KRT33B: variants seen among roughly 807,000 people sequenced by gnomAD.
The protein encoded by KRT33B is keratin, type I cuticular Ha3-II.
A neutral mutation model predicts 42.7 loss-of-function variants in KRT33B; 37 were observed. The ratio of observed to expected loss-of-function variants is 0.87; its 90% CI spans 0.67 to 1.14. KRT33B has a LOEUF of 1.14. KRT33B is among the 50% of genes most tolerant of loss of function. The pLI, the probability that KRT33B is intolerant of heterozygous loss-of-function variation, is 0.00. For synonymous variants in KRT33B, 237 were observed against 221.2 expected, an observed-to-expected ratio of 1.07 and a Z score of -0.63; for missense variants, 523 against 515.1, an observed-to-expected ratio of 1.02 and a Z score of -0.15.
chr17:41,369,692 G>A lies in KRT33B; in HGVS notation c.59C>T (p.Pro20Leu), dbSNP rs752282937. 4.3e-6 allele frequency: 7 copies of A among 1,614,018 alleles called. 1 individual carries two copies. In the South Asian group the frequency reaches 7.7e-5, roughly 18 times the overall value. ...LSCRTSCSSR[P>L]CVPPSCHGYT... ...GCCGTGGCAGCTGGGGGGCACACAGGGCCGGGAGGAGCAGCTGGTGCGGCA... is the reference window on the plus strand; with the variant it reads ...GCCGTGGCAGCTGGGGGGCACACAGAGCCGGGAGGAGCAGCTGGTGCGGCA... Residue 20 changes from proline (P) to leucine (L), a missense_variant, in exon 1 of 7, where the codon CCC becomes CTC. Coordinates refer to ENST00000251646, the MANE Select transcript of KRT33B (RefSeq NM_002279.5).
chr17:41,365,959 A>G (rs1168971550), intron 3 of KRT33B, among the ~76,000 whole-genome samples: 1 of 151,352 alleles, frequency 6.6e-6, no homozygotes, highest in South Asian at 2.1e-4. Context: ...TGTTTGAGAC[A>G]TGCATCTGAT....
rs200684159 is a variant in KRT33B at position 41,369,496 on chromosome 17, C to T, written c.255G>A (p.Glu85=). The stretch of plus-strand genomic sequence containing the variant: ...GCTGAGACCGCTCCCGGATGAGGTT[C>T]TCCAGCTCCGCGTTGTCCCGCTCCA... ...RQLERDNAEL[E]NLIRERSQQQ... is the part of the protein sequence containing the mutation. Residue 85 remains glutamate (E), a synonymous_variant, in exon 1 of 7, where the codon GAG becomes GAA. Transcript: ENST00000251646. 2 of 1,613,976 alleles carry T rather than the reference C, an allele frequency of 1.2e-6. No homozygotes were observed. The highest frequency in any genetic ancestry group is 1.7e-6 in the Non-Finnish European group (2 of 1,180,038).
intron 6 of KRT33B, 40 bp downstream of exon 6, chr17:41,364,739 T>A: frequency 1.2e-6 from 2 of 1,610,396 alleles, no homozygotes; most frequent in Non-Finnish European, 1.7e-6. Flanking sequence ...AGTAGAACAG[T>A]GCCTGTCCCT....
intron 6 of KRT33B, among the ~76,000 whole-genome samples, chr17:41,364,273 T>C (rs2017665185): frequency 6.6e-6 from 1 of 151,050 alleles, no homozygotes; most frequent in Admixed American, 6.6e-5. Context: ...TCCACAAGAC[T>C]GTGTTCATAA....
rs766458941 is a variant in KRT33B at position 41,369,490 on chromosome 17, G to C, written c.261C>G (p.Leu87=). The change falls in exon 1 of 7, where the codon CTC becomes CTG. Residue 87 remains leucine, a synonymous_variant. Transcript: ENST00000251646. ...LERDNAELEN[L]IRERSQQQEP... The stretch of plus-strand genomic sequence containing the variant: ...CCTGCTGCTGAGACCGCTCCCGGAT[G>C]AGGTTCTCCAGCTCCGCGTTGTCCC... The C allele has an allele frequency of 2.9e-5, 47 of 1,613,816 alleles. No homozygotes were observed. The highest frequency in any genetic ancestry group is 3.5e-5 in the Non-Finnish European group (41 of 1,180,060).
chr17:41,366,887 T>C (rs1212576099), intron 2 of KRT33B, among the ~76,000 whole-genome samples: 1 of 151,366 alleles, frequency 6.6e-6, no homozygotes, highest in Admixed American at 6.6e-5. Flanking sequence ...TACAAGTTAC[T>C]ATCAACTAAG....
intron 2 of KRT33B, 32 bp from the exon 3 acceptor site, chr17:41,366,658 C>CAA (rs376556140): frequency 5.8e-5 from 67 of 1,156,364 alleles, no homozygotes; most frequent in African/African-American, 1.4e-4. Context: ...AAAAGAGGTC[C>CAA]AAAAAAAAAA....
In KRT33B at chr17:41,366,453, G is replaced by T. The variant is rs1183586616; in HGVS notation, c.588+17C>A. 1.9e-6 allele frequency: 3 copies of T among 1,611,208 alleles called. 1 individual carries two copies. In the Admixed American group the frequency reaches 5.0e-5, roughly 27 times the overall value. ...CAGAGCTCTCAGTATTGGGATATTG[G>T]GGGCTGGGACTCTTACCTGCTCATG... On this transcript the variant is annotated intron_variant, in intron 3 of 6. Coordinates refer to ENST00000251646, the MANE Select transcript of KRT33B (RefSeq NM_002279.5).
chr17:41,365,460 T>G lies in KRT33B; in HGVS notation c.682A>C (p.Thr228Pro), dbSNP rs1307982214. The G allele has an allele frequency of 6.2e-7, 1 of 1,612,956 alleles. No homozygotes were observed. Among genetic ancestry groups the G allele is most frequent in the Non-Finnish European group, 8.5e-7 (1 of 1,180,024 alleles). Residue 228 changes from threonine (T) to proline (P), a missense_variant, in exon 4 of 7, where the codon ACC becomes CCC. Coordinates refer to ENST00000251646, the MANE Select transcript of KRT33B (RefSeq NM_002279.5). ...ACCAGGGCCTCATACTGATTCCTGG[T>G]CTCGTTCAGGACCTGGTTCAGGTCC... ...AVDLNQVLNE[T>P]RNQYEALVET...
chr17:41,365,695 C>G lies in KRT33B; in HGVS notation c.589-142G>C. 4 of 1,075,086 alleles carry G rather than the reference C, an allele frequency of 3.7e-6. 1 individual carries two copies. Among genetic ancestry groups the G allele is most frequent in the Non-Finnish European group, 5.3e-6 (4 of 756,090 alleles). 66.6% of individuals were successfully genotyped at this position (1,075,086 alleles called of 1,614,324 possible). Reference sequence around the variant, plus strand: ...AGCCCAGCTGTCACCTCTGGAAATTCTGGCCTCTTCTCTGAATCCCTTCCC... The same window carrying G: ...AGCCCAGCTGTCACCTCTGGAAATTGTGGCCTCTTCTCTGAATCCCTTCCC... On this transcript the variant is annotated intron_variant, in intron 3 of 6. Transcript: ENST00000251646.
chr17:41,366,464 T>C lies in KRT33B; in HGVS notation c.588+6A>G, dbSNP rs1430716964. On this transcript the variant is annotated splice_donor_region_variant and intron_variant, in intron 3 of 6. Coordinates refer to ENST00000251646, the MANE Select transcript of KRT33B (RefSeq NM_002279.5). ...GTATTGGGATATTGGGGGCTGGGAC[T>C]CTTACCTGCTCATGGTTCTGCTTGA... 1 of 1,611,918 alleles carries C rather than the reference T, an allele frequency of 6.2e-7. No individual in the cohort carries two copies. The highest frequency in any genetic ancestry group is 1.7e-5 in the Admixed American group (1 of 59,952).
Position 41,364,805 on chromosome 17 carries a change from C to T in KRT33B, c.1071G>A (p.Arg357=), listed in dbSNP as rs745612225. 6.2e-7 allele frequency: 1 copy of T among 1,612,866 alleles called. No homozygotes were observed. The highest frequency in any genetic ancestry group is 1.1e-5 in the South Asian group (1 of 91,070). The part of the protein sequence containing the change: ...ARLECEINTY[R]SLLESEDCKL... Reference sequence around the variant, plus strand: ...TGCAGTCCTCGCTCTCCAGCAGGCTCCGGTATGTGTTGATCTCACACTCCA... The same window carrying T: ...TGCAGTCCTCGCTCTCCAGCAGGCTTCGGTATGTGTTGATCTCACACTCCA... The change falls in exon 6 of 7, where the codon CGG becomes CGA. Residue 357 remains arginine, a synonymous_variant. Transcript: ENST00000251646.
intron 6 of KRT33B, 65 bp from the exon 7 acceptor site, chr17:41,364,018 C>G: frequency 5.4e-6 from 6 of 1,110,312 alleles, no homozygotes; most frequent in Non-Finnish European, 8.1e-6. Flanking sequence ...AGACTCAATC[C>G]AAAGAGACAC....
Position 41,366,378 on chromosome 17 carries a change from C to G in KRT33B, c.588+92G>C. ...AGCAACCAGCAAAATGTTGTTAGGC[C>G]TAGGGTGCTTAGCAAATCAAATCCT... On this transcript the variant is annotated intron_variant, in intron 3 of 6. Transcript: ENST00000251646. The G allele has an allele frequency of 2.0e-6, 3 of 1,477,070 alleles. No individual in the cohort carries two copies. In the South Asian group the frequency reaches 3.6e-5, roughly 18 times the overall value. The allele number at this position is 1,477,070 out of a possible 1,614,324, so 91.5% of individuals were successfully genotyped here. A position where few individuals can be genotyped will look rare whatever the true frequency, so the allele number is the denominator to read the frequency against.
At chr17:41,367,867 TGTCC>T (rs2017721053) in intron 2 of KRT33B, 37 bp downstream of exon 2, 1 of 1,563,642 alleles carries the variant, frequency 6.4e-7, no homozygotes, top group East Asian at 2.2e-5. Flanking sequence ...TAATTCAGCC[TGTCC>T]GTTACTAGAC....
intron 2 of KRT33B, 32 bp downstream of exon 2, chr17:41,367,876 C>G: frequency 6.3e-7 from 1 of 1,597,538 alleles, no homozygotes; most frequent in Admixed American, 1.7e-5. Context: ...CTGTCCGTTA[C>G]TAGACTGCTC....
intron 3 of KRT33B, 112 bp downstream of exon 3, chr17:41,366,358 C>A: frequency 7.9e-7 from 1 of 1,271,456 alleles, no homozygotes. Flanking sequence ...TTTTGAGCAA[C>A]CAGCAAAATG....
rs368962080 is a variant in KRT33B at position 41,369,682 on chromosome 17, G to A, written c.69C>T (p.Pro23=). 5 of 1,613,840 alleles carry A rather than the reference G, an allele frequency of 3.1e-6. No individual in the cohort carries two copies. In the African/African-American group the frequency reaches 5.3e-5, roughly 17 times the overall value. Residue 23 remains proline, a synonymous_variant, in exon 1 of 7, where the codon CCC becomes CCT. Coordinates refer to ENST00000251646, the MANE Select transcript of KRT33B (RefSeq NM_002279.5). ...RTSCSSRPCV[P]PSCHGYTLPG... Reference sequence around the variant, plus strand: ...GCAGGGTGTAGCCGTGGCAGCTGGGGGGCACACAGGGCCGGGAGGAGCAGC... The same window carrying A: ...GCAGGGTGTAGCCGTGGCAGCTGGGAGGCACACAGGGCCGGGAGGAGCAGC...
chr17:41,367,993 G>T lies in KRT33B; in HGVS notation c.349-3C>A. On this transcript the variant is annotated splice_polypyrimidine_tract_variant and splice_region_variant and intron_variant, in intron 1 of 6. Transcript: ENST00000251646. ...TTCTCAGACTTGCTGCACAGGATCT[G>T]GGGATAGGATTAATCATGAAATGGG... is the stretch of plus-strand genomic sequence containing the variant. 2.5e-6 allele frequency: 4 copies of T among 1,612,836 alleles called. No individual in the cohort carries two copies.
Sources: allele counts gnomAD v4.1 joint callset (sites outside exome capture counted in the v4.1 genomes callset), GRCh38; gene constraint gnomAD v4.1.1; transcripts MANE v1.5; gene names NCBI Gene and HGNC (gene_info 2026-07-23, HGNC 2026-07-21).